The following RANBP3 variants were observed in gnomAD, a reference collection of about 807,000 sequenced individuals.
The protein encoded by RANBP3 is ran-binding protein 3.
A neutral mutation model predicts 77.3 loss-of-function variants in RANBP3; 14 were observed. That is an observed-to-expected ratio of 0.18 (90% CI 0.12 to 0.28). RANBP3 has a LOEUF of 0.28. Among genes scored for constraint, RANBP3 ranks in the 10% least tolerant of loss-of-function variants. The pLI is 1.00. For synonymous variants in RANBP3, 315 were observed against 312.4 expected (o/e 1.01, Z -0.09); for missense variants, 586 against 752.3 (o/e 0.78, Z 2.59).
chr19:5,978,118 C>A lies in RANBP3; in HGVS notation c.-36G>T, dbSNP rs760227591. The A allele has an allele frequency of 1.1e-5, 17 of 1,600,716 alleles. No individual in the cohort carries two copies. Among genetic ancestry groups the A allele is most frequent in the Non-Finnish European group, 1.4e-5 (17 of 1,174,592 alleles). ...TAAGCCCTCCCACAAGGCCCCGCGC[C>A]GGCCCAGGCTCGCCTGCTTTCTGCC... is the stretch of plus-strand genomic sequence containing the variant. On this transcript the variant is annotated 5_prime_UTR_variant, in exon 1 of 17. Transcript: ENST00000340578.
chr19:5,938,647 G>A (rs893012563), intron 5 of RANBP3, among the ~76,000 whole-genome samples: 4 of 152,102 alleles, frequency 2.6e-5, no homozygotes, highest in South Asian at 2.1e-4. Context: ...AGCCAAGATC[G>A]CCCCATTGCA....
chr19:5,925,318 T>C (rs1047613511), intron 10 of RANBP3: 21 of 508,802 alleles, frequency 4.1e-5, no homozygotes, highest in South Asian at 3.0e-4. Context: ...TCTGGCCTGC[T>C]CTGTTCTGCT....
chr19:5,974,901 G>A (rs991879463), intron 1 of RANBP3, among the ~76,000 whole-genome samples: 4 of 152,224 alleles, frequency 2.6e-5, no homozygotes, highest in Admixed American at 2.6e-4. Context: ...TGCTCAGCCT[G>A]ACACAGAGGT....
At chr19:5,927,238 C>G (rs1028365040) in intron 9 of RANBP3, among the ~76,000 whole-genome samples, 1 of 152,218 alleles carries the variant, frequency 6.6e-6, no homozygotes, top group Non-Finnish European at 1.5e-5. Flanking sequence ...TCCAGGGCCA[C>G]TGTTTCCAAC....
Position 5,958,106 on chromosome 19 carries a change from G to T in RANBP3, c.23-133C>A. On this transcript the variant is annotated intron_variant, in intron 1 of 16. Transcript: ENST00000340578. This position sits in a 1 kb window ranked among gnomAD's most constrained non-coding sequence, Gnocchi z 4.4. ...ACTCCAGAGAACATCAAATCACTTAGAACAGCGTCTTGACTCGGATGCCTG... is the reference window on the plus strand; with the variant it reads ...ACTCCAGAGAACATCAAATCACTTATAACAGCGTCTTGACTCGGATGCCTG... 1.2e-6 allele frequency: 1 copy of T among 814,310 alleles called. No individual in the cohort carries two copies. The highest frequency in any genetic ancestry group is 1.9e-6 in the Non-Finnish European group (1 of 514,836). The allele number at this position is 814,310 out of a possible 1,614,324, so 50.4% of individuals were successfully genotyped here. A position where few individuals can be genotyped will look rare whatever the true frequency, so the allele number is the denominator to read the frequency against.
At chr19:5,973,468 A>C (rs763353649) in intron 1 of RANBP3, among the ~76,000 whole-genome samples, 1 of 152,222 alleles carries the variant, frequency 6.6e-6, no homozygotes, top group Non-Finnish European at 1.5e-5. Context: ...GGTAGAGGCC[A>C]GGGATCCTCA....
rs1343156811 is a variant in RANBP3 at position 5,978,100 on chromosome 19, TC to T, written c.-19del. On this transcript the variant is annotated 5_prime_UTR_variant, in exon 1 of 17. Transcript: ENST00000340578. ...TCCGCCATTTTACTTCCTTAAGCCC[TC>T]CCACAAGGCCCCGCGCCGGCCCAGG... is the stretch of plus-strand genomic sequence containing the variant. 1 of 1,607,712 alleles carries T rather than the reference TC, an allele frequency of 6.2e-7. No individual in the cohort carries two copies.
In RANBP3 at chr19:5,917,462, C is replaced by T; in HGVS notation, c.*148G>A. ...GGCAGTTCCCGAGTCTGCTTTTGAA[C>T]AGGACGTGCGGGTCCAGACTGTGGC... On this transcript the variant is annotated 3_prime_UTR_variant, in exon 17 of 17. Coordinates refer to ENST00000340578, the MANE Select transcript of RANBP3 (RefSeq NM_007322.3). 2.4e-6 allele frequency: 2 copies of T among 837,362 alleles called. No homozygotes were observed. Among genetic ancestry groups the T allele is most frequent in the Non-Finnish European group, 3.6e-6 (2 of 557,846 alleles). The allele number at this position is 837,362 out of a possible 1,614,324, so 51.9% of individuals were successfully genotyped here. A position where few individuals can be genotyped will look rare whatever the true frequency, so the allele number is the denominator to read the frequency against.
rs2058141631 is a variant in RANBP3, at chr19:5,941,865, G to A, written c.283-30C>T. ...AACAAGGAGCACACAGCCGGGGTCA[G>A]AGGGCATCAGGCTCACGGCAGCCGA... On this transcript the variant is annotated intron_variant, in intron 3 of 16. Transcript: ENST00000340578. 2.5e-6 allele frequency: 4 copies of A among 1,611,830 alleles called. No individual in the cohort carries two copies. The South Asian group carries it at 4.4e-5, about 18-fold the overall frequency.
chr19:5,942,146 C>A (rs1366333930), intron 3 of RANBP3, among the ~76,000 whole-genome samples: 1 of 152,166 alleles, frequency 6.6e-6, no homozygotes, highest in African/African-American at 2.4e-5. Flanking sequence ...TCAAACACAG[C>A]CGAACCTCAT....
chr19:5,924,753 T>C lies in RANBP3; in HGVS notation c.996+74A>G. 2 of 1,438,532 alleles carry C rather than the reference T, an allele frequency of 1.4e-6. No individual in the cohort carries two copies. Among genetic ancestry groups the C allele is most frequent in the Non-Finnish European group, 2.0e-6 (2 of 1,021,476 alleles). The allele number at this position is 1,438,532 out of a possible 1,614,324, so 89.1% of individuals were successfully genotyped here. ...ATAGGACGACACAGCAGCCCTGCTC[T>C]CCATGTCCCCTTGACCTGTGGCTGG... On this transcript the variant is annotated intron_variant, in intron 11 of 16. Transcript: ENST00000340578. The surrounding 1 kb of genome is among the most constrained non-coding windows in gnomAD (Gnocchi z 4.7).
chr19:5,950,195 C>T (rs993959359), intron 3 of RANBP3, among the ~76,000 whole-genome samples: 3 of 152,160 alleles, frequency 2.0e-5, no homozygotes, highest in Admixed American at 1.3e-4. Context: ...GCGGCAGTCA[C>T]GTGCGCTCAT....
At chr19:5,957,784 G>GTA in intron 2 of RANBP3, 134 bp downstream of exon 2, 1 of 905,512 alleles carries the variant, frequency 1.1e-6, no homozygotes, top group Non-Finnish European at 1.8e-6. Flanking sequence ...ACGTGAAAGT[G>GTA]TAAAGGCCTC....
chr19:5,933,325 G>A (rs1486755353), intron 6 of RANBP3, 89 bp downstream of exon 6: 19 of 1,054,272 alleles, frequency 1.8e-5, no homozygotes, highest in South Asian at 6.5e-5. Flanking sequence ...TAGAAAGCAG[G>A]CTGAGCCCGC....
chr19:5,961,884 A>G (rs2058407311), intron 1 of RANBP3, among the ~76,000 whole-genome samples: 1 of 151,776 alleles, frequency 6.6e-6, no homozygotes, highest in Non-Finnish European at 1.5e-5. Flanking sequence ...TGCACGTCCC[A>G]CACTTAGGGT....
chr19:5,917,641 T>C lies in RANBP3; in HGVS notation c.1673A>G (p.Glu558Gly). The change falls in exon 17 of 17, where the codon GAA becomes GGA. Residue 558 changes from glutamate to glycine, a missense_variant. By Grantham distance (98) the Glu-to-Gly change is moderately conservative. Around this residue, in one of 5 missense-constraint regions of RANBP3, gnomAD observed 128 missense variants for 157.0 expected, o/e 0.82. Transcript: ENST00000340578. Reference sequence around the variant, plus strand: ...GCTCCCGGTCGTCTGCCCGTCCCCTTCGTCACCAGCACCTGCAGGGAAGCA... The same window carrying C: ...GCTCCCGGTCGTCTGCCCGTCCCCTCCGTCACCAGCACCTGCAGGGAAGCA... ...SGATAAGAGD[E>G]GDGQTTGST The C allele has an allele frequency of 6.2e-7, 1 of 1,606,912 alleles. No individual in the cohort carries two copies. The highest frequency in any genetic ancestry group is 8.5e-7 in the Non-Finnish European group (1 of 1,179,022).
At chr19:5,970,314 C>CA (rs1568483219) in intron 1 of RANBP3, among the ~76,000 whole-genome samples, 1 of 152,148 alleles carries the variant, frequency 6.6e-6, no homozygotes, top group East Asian at 1.9e-4. Context: ...GGTGACCCCC[C>CA]ACCCTGGCTT....
At chr19:5,968,320 CACTT>C (rs2058492080) in intron 1 of RANBP3, among the ~76,000 whole-genome samples, 1 of 152,176 alleles carries the variant, frequency 6.6e-6, no homozygotes, top group Non-Finnish European at 1.5e-5. Flanking sequence ...CTGCCCTGGC[CACTT>C]ACTTGCGGTT....
intron 5 of RANBP3, among the ~76,000 whole-genome samples, chr19:5,936,434 GGCAGGCA>G (rs2058065896): frequency 2.6e-5 from 4 of 152,124 alleles, no homozygotes; most frequent in Admixed American, 2.0e-4. Flanking sequence ...CAGGCAGGCA[GGCAGGCA>G]GAGAGTAAGA....
Sources: gnomAD v4.1 joint callset for allele counts (sites outside exome capture counted in the v4.1 genomes callset) on GRCh38, gnomAD v4.1.1 for gene constraint, gnomAD v4.1.1 regional missense constraint, Gnocchi (gnomAD v3.1) non-coding constraint, MANE v1.5 for transcripts, NCBI Gene and HGNC (gene_info 2026-07-23, HGNC 2026-07-21) for gene names.